Variants in NVL observed in about 807,000 individuals in gnomAD.
NVL encodes nuclear VCP like.
Under a neutral mutation model 110.2 loss-of-function variants are expected in NVL, and 84 were observed. That is an observed-to-expected ratio of 0.76 (90% CI 0.64 to 0.91). The LOEUF (loss-of-function observed/expected upper bound fraction) is 0.91. Among genes scored for constraint, NVL ranks in the 40% least tolerant of loss-of-function variants. The pLI is 0.00. For synonymous variants in NVL, 354 were observed against 361.1 expected, an observed-to-expected ratio of 0.98 and a Z score of 0.22; for missense variants, 882 against 1,035.9, an observed-to-expected ratio of 0.85 and a Z score of 2.04.
At position 224,304,875 on chromosome 1, in the gene NVL, G is replaced by A. The variant is rs975439940; in HGVS notation, c.749-63C>T. On this transcript the variant is annotated intron_variant, in intron 7 of 22. Transcript: ENST00000281701. ...TTCAGTAGTAACTCATAATTATAAT[G>A]AATAGTCTTTAAGTAAACAAAGGTC... is the stretch of plus-strand genomic sequence containing the variant. The A allele has an allele frequency of 2.0e-6, 3 of 1,501,550 alleles. No homozygotes were observed. The African/African-American group carries it at 4.1e-5, about 21-fold the overall frequency. The allele number at this position is 1,501,550 out of a possible 1,614,324, so 93.0% of individuals were successfully genotyped here.
intron 10 of NVL, chr1:224,297,709 C>T (rs1172191921): frequency 5.9e-6 from 1 of 170,714 alleles, no homozygotes; most frequent in East Asian, 1.5e-4. Flanking sequence ...GTTCAGAAAA[C>T]ATGGAGCTGT....
At chr1:224,278,585 CT>C (rs1266024381) in intron 16 of NVL, among the ~76,000 whole-genome samples, 2 of 152,094 alleles carry the variant, frequency 1.3e-5, no homozygotes, top group African/African-American at 2.4e-5. Context: ...CCTCTTCCCC[CT>C]ACCCACCCGT....
rs144815170 is a variant in NVL, at chr1:224,321,395, T to C, written c.132-3465A>G. Among the ~76,000 whole-genome samples, 5 of 152,084 alleles carry C rather than the reference T, an allele frequency of 3.3e-5. No individual in the cohort carries two copies. In the South Asian group the frequency reaches 1.0e-3, roughly 31 times the overall value. On this transcript the variant is annotated intron_variant, in intron 2 of 22. Transcript: ENST00000281701. Reference sequence around the variant, plus strand: ...TTGCCAACACCTGGATAAGAGAAGATGGCAGATGGATGTAGGCAGAATGTT... The same window carrying C: ...TTGCCAACACCTGGATAAGAGAAGACGGCAGATGGATGTAGGCAGAATGTT...
intron 4 of NVL, among the ~76,000 whole-genome samples, chr1:224,316,802 G>T (rs563908191): frequency 6.6e-6 from 1 of 152,072 alleles, no homozygotes; most frequent in Non-Finnish European, 1.5e-5. Context: ...AGTTCAGTGA[G>T]TATATCTATA....
intron 7 of NVL, 66 bp downstream of exon 7, chr1:224,304,968 T>C (rs562213659): frequency 6.3e-7 from 1 of 1,588,992 alleles, no homozygotes; most frequent in African/African-American, 1.4e-5. Context: ...CAAAATAGCT[T>C]GGGACAGAAT....
intron 18 of NVL, among the ~76,000 whole-genome samples, chr1:224,263,605 A>G (rs1664192334): frequency 1.3e-5 from 2 of 152,160 alleles, no homozygotes; most frequent in South Asian, 4.1e-4. Context: ...TCTTTCTCTT[A>G]TCCCACATCT....
At chr1:224,244,367 C>CAA (rs938392299) in intron 19 of NVL, among the ~76,000 whole-genome samples, 1 of 145,528 alleles carries the variant, frequency 6.9e-6, no homozygotes, top group African/African-American at 2.5e-5. Context: ...AACTCCGTCT[C>CAA]AAAAAAAAAA....
chr1:224,329,901 AGG>A (rs1671513909), intron 1 of NVL, among the ~76,000 whole-genome samples, 168 bp downstream of exon 1: 1 of 152,140 alleles, frequency 6.6e-6, no homozygotes, highest in Non-Finnish European at 1.5e-5. Context: ...CAACGTGGGT[AGG>A]GAAGGCCCCG....
intron 19 of NVL, among the ~76,000 whole-genome samples, chr1:224,242,817 T>C (rs1005265559): frequency 6.7e-6 from 1 of 149,142 alleles, no homozygotes; most frequent in Non-Finnish European, 1.5e-5. Context: ...TTTAGAATCA[T>C]TAATGCTTGT....
intron 4 of NVL, among the ~76,000 whole-genome samples, chr1:224,314,439 A>G (rs1421516990): frequency 1.3e-5 from 2 of 152,240 alleles, no homozygotes; most frequent in Non-Finnish European, 2.9e-5. Flanking sequence ...AATATTGCAG[A>G]AGCATTATGC....
intron 15 of NVL, among the ~76,000 whole-genome samples, chr1:224,285,137 A>T (rs1666729587): frequency 6.6e-6 from 1 of 152,168 alleles, no homozygotes; most frequent in African/African-American, 2.4e-5. Context: ...AAACATGTTT[A>T]AAAAAGCTTA....
rs150669021 is a variant in NVL at position 224,285,086 on chromosome 1, T to C, written c.1899+940A>G. Reference sequence around the variant, plus strand: ...AAAAATATTGATGTGTATCAATATATACTGACGTGAAGATGTTCAGGAAAT... The same window carrying C: ...AAAAATATTGATGTGTATCAATATACACTGACGTGAAGATGTTCAGGAAAT... On this transcript the variant is annotated intron_variant, in intron 15 of 22. Coordinates refer to ENST00000281701, the MANE Select transcript of NVL (RefSeq NM_002533.4). 3.1e-3 allele frequency among the ~76,000 whole-genome samples: 467 copies of C among 152,342 alleles called. 8 individuals are homozygous for C. The highest frequency in any genetic ancestry group is 0.029 in the East Asian group (150 of 5,190).
At chr1:224,316,762 G>A (rs947384187) in intron 4 of NVL, among the ~76,000 whole-genome samples, 2 of 151,920 alleles carry the variant, frequency 1.3e-5, no homozygotes, top group Admixed American at 6.6e-5. Context: ...TGATATTTAT[G>A]GAAAGGTTCA....
chr1:224,295,984 A>G (rs972550283), intron 11 of NVL, among the ~76,000 whole-genome samples: 1 of 148,268 alleles, frequency 6.7e-6, no homozygotes, highest in African/African-American at 2.5e-5. Context: ...AAAAAAAAAA[A>G]GCCAGGCATG....
At chr1:224,261,407 A>G in intron 18 of NVL, among the ~76,000 whole-genome samples, 1 of 152,232 alleles carries the variant, frequency 6.6e-6, no homozygotes, top group East Asian at 1.9e-4. Flanking sequence ...AGAGAAAGTA[A>G]TAAGATATTT....
At position 224,271,501 on chromosome 1, in the gene NVL, GCAA is replaced by G. The variant is rs200265442; in HGVS notation, c.2083-3371_2083-3369del. Among the ~76,000 whole-genome samples, 150 of 151,334 alleles carry G rather than the reference GCAA, an allele frequency of 9.9e-4. 1 individual carries two copies. The East Asian group carries it at 0.017, about 18-fold the overall frequency. On this transcript the variant is annotated intron_variant, in intron 17 of 22. Transcript: ENST00000281701. Reference sequence around the variant, plus strand: ...GGGTAAGACCCTGTCTCAAACAACAGCAACAACAACAAAACAGAAGCGTAAAAT... The same window carrying G: ...GGGTAAGACCCTGTCTCAAACAACAGCAACAACAAAACAGAAGCGTAAAAT...
At chr1:224,311,697 G>A (rs1272258450) in intron 5 of NVL, 103 bp downstream of exon 5, 2 of 861,174 alleles carry the variant, frequency 2.3e-6, no homozygotes, top group African/African-American at 3.3e-5. Context: ...TGGGATTAGA[G>A]GTGTGAGTCA....
chr1:224,241,817 C>T (rs10753461), intron 19 of NVL, among the ~76,000 whole-genome samples: 125,716 of 149,596 alleles, frequency 0.84, 53,337 homozygotes, highest in South Asian at 0.91. Flanking sequence ...GATCAAACCA[C>T]TGCACTCCAG....
chr1:224,312,686 G>GA (rs1383442834), intron 4 of NVL: 2 of 151,608 alleles, frequency 1.3e-5, no homozygotes, highest in East Asian at 3.9e-4. Flanking sequence ...CAGGTGTGGT[G>GA]AAAATACGCC....
Sources: allele counts gnomAD v4.1 joint callset (sites outside exome capture counted in the v4.1 genomes callset), GRCh38; gene constraint gnomAD v4.1.1; transcripts MANE v1.5; gene names NCBI Gene and HGNC (gene_info 2026-07-23, HGNC 2026-07-21).